The following LYPLAL1 variants were observed in gnomAD, a reference collection of about 807,000 sequenced individuals.
The protein encoded by LYPLAL1 is lysophospholipase-like protein 1.
LYPLAL1 carries 23 observed loss-of-function variants against 19.7 expected under a neutral mutation model. The observed-to-expected ratio is 1.17, with a 90% CI of 0.84 to 1.65. The LOEUF is 1.65. Ranked by LOEUF, LYPLAL1 falls within the 40% of genes most tolerant of loss-of-function variation. The pLI is 0.00. For missense variants in LYPLAL1, 355 were observed against 279.4 expected (o/e 1.27, Z -1.93); for synonymous variants, 119 against 96.3 (o/e 1.24, Z -1.38).
rs1251024308 is a variant in LYPLAL1, at chr1:219,212,729, G to A, written c.*1001G>A. 1 of 151,914 alleles carries A rather than the reference G, an allele frequency of 6.6e-6. No individual in the cohort carries two copies. Among genetic ancestry groups the A allele is most frequent in the Non-Finnish European group, 1.5e-5 (1 of 67,904 alleles). The allele number at this position is 151,914 out of a possible 1,614,324, so 9.4% of individuals were successfully genotyped here. ...TTTTTCCATGTTGTGTACATCAATA[G>A]TTCATCTATTTTATTGCTCAGTAAT... On this transcript the variant is annotated 3_prime_UTR_variant, in exon 5 of 5. Transcript: ENST00000366928.
the LYPLAL1 span, among the ~76,000 whole-genome samples, chr1:219,248,178 G>A: frequency 6.6e-6 from 1 of 152,132 alleles, no homozygotes; most frequent in Non-Finnish European, 1.5e-5. Context: ...CAAGTGAAAA[G>A]CATCTGTTTG....
At chr1:219,234,738 G>T in the LYPLAL1 span, among the ~76,000 whole-genome samples, 4 of 151,846 alleles carry the variant, frequency 2.6e-5, no homozygotes, top group Non-Finnish European at 5.9e-5. Flanking sequence ...TTTTATATAG[G>T]TCATTTATAT....
chr1:219,175,410 T>C (rs1383772645), intron 1 of LYPLAL1, among the ~76,000 whole-genome samples: 1 of 152,144 alleles, frequency 6.6e-6, no homozygotes, highest in Non-Finnish European at 1.5e-5. Flanking sequence ...AGAGTGTTCA[T>C]TTATAAGTAC....
the LYPLAL1 span, among the ~76,000 whole-genome samples, chr1:219,239,735 G>A: frequency 6.6e-6 from 1 of 152,186 alleles, no homozygotes; most frequent in African/African-American, 2.4e-5. Context: ...CAAGTATGCT[G>A]CTAGAATACA....
At chr1:219,190,571 T>A (rs1169238408) in intron 2 of LYPLAL1, among the ~76,000 whole-genome samples, 1 of 133,088 alleles carries the variant, frequency 7.5e-6, no homozygotes, top group African/African-American at 2.8e-5. Flanking sequence ...CCCAGAAATT[T>A]AAATTTTTTT....
chr1:219,268,829 G>C, the LYPLAL1 span, among the ~76,000 whole-genome samples: 1 of 152,142 alleles, frequency 6.6e-6, no homozygotes, highest in East Asian at 1.9e-4. Flanking sequence ...CAACCTCACA[G>C]TCTACCCTGT....
the LYPLAL1 span, among the ~76,000 whole-genome samples, chr1:219,425,081 T>G: frequency 1.9e-3 from 294 of 152,228 alleles, no homozygotes; most frequent in Non-Finnish European, 2.7e-3. Context: ...GGCTGGGAAG[T>G]CCAAAACAAA....
chr1:219,247,136 A>T, the LYPLAL1 span, among the ~76,000 whole-genome samples: 2 of 152,190 alleles, frequency 1.3e-5, no homozygotes, highest in African/African-American at 4.8e-5. Context: ...TAAGCAAAAG[A>T]TTATTCTTTG....
chr1:219,407,184 C>T, the LYPLAL1 span, among the ~76,000 whole-genome samples: 1 of 152,138 alleles, frequency 6.6e-6, no homozygotes, highest in African/African-American at 2.4e-5. Flanking sequence ...CTGTGTTACC[C>T]AGTATCTCTG....
chr1:219,267,944 A>G, the LYPLAL1 span, among the ~76,000 whole-genome samples: 3 of 152,214 alleles, frequency 2.0e-5, no homozygotes, highest in South Asian at 2.1e-4. Context: ...TGATTTTGAT[A>G]TGTAGCTTGG....
At chr1:219,363,741 C>G in the LYPLAL1 span, among the ~76,000 whole-genome samples, 1 of 152,196 alleles carries the variant, frequency 6.6e-6, no homozygotes, top group Admixed American at 6.5e-5. Context: ...CACTGACCTG[C>G]TGAGGCAGAC....
At chr1:219,197,818 T>C (rs1173685407) in intron 3 of LYPLAL1, among the ~76,000 whole-genome samples, 1 of 152,140 alleles carries the variant, frequency 6.6e-6, no homozygotes, top group Non-Finnish European at 1.5e-5. Context: ...GCAAAGTACA[T>C]GAACAGATGC....
chr1:219,376,141 T>C, the LYPLAL1 span, among the ~76,000 whole-genome samples: 35 of 152,296 alleles, frequency 2.3e-4, no homozygotes, highest in African/African-American at 8.2e-4. Flanking sequence ...CACGTAAAGA[T>C]GGACATATAG....
chr1:219,418,792 C>T, the LYPLAL1 span, among the ~76,000 whole-genome samples: 1 of 152,216 alleles, frequency 6.6e-6, no homozygotes, highest in Non-Finnish European at 1.5e-5. Context: ...ATGTGCTCTG[C>T]CTGTTCATTC....
chr1:219,244,016 G>A, the LYPLAL1 span, among the ~76,000 whole-genome samples: 1 of 151,546 alleles, frequency 6.6e-6, no homozygotes, highest in Non-Finnish European at 1.5e-5. Flanking sequence ...TCACAGAAAT[G>A]TACAAGAGGA....
At chr1:219,177,410 T>C (rs1364500625) in intron 1 of LYPLAL1, among the ~76,000 whole-genome samples, 1 of 152,196 alleles carries the variant, frequency 6.6e-6, no homozygotes, top group Admixed American at 6.5e-5. Flanking sequence ...TAGCTTATCC[T>C]CCTTAAGGAC....
chr1:219,210,347 T>C (rs978464604), intron 3 of LYPLAL1, 185 bp from the exon 4 acceptor site: 4 of 383,644 alleles, frequency 1.0e-5, no homozygotes, highest in African/African-American at 6.2e-5. Flanking sequence ...AGTGGTGACA[T>C]AGAGGGAACA....
At chr1:219,242,370 G>A in the LYPLAL1 span, among the ~76,000 whole-genome samples, 3 of 152,288 alleles carry the variant, frequency 2.0e-5, no homozygotes, top group Middle Eastern at 0.01. Flanking sequence ...AACAGTCCAA[G>A]GAGACCAGGA....
chr1:219,252,367 A>C, the LYPLAL1 span, among the ~76,000 whole-genome samples: 1 of 152,208 alleles, frequency 6.6e-6, no homozygotes, highest in Non-Finnish European at 1.5e-5. Context: ...CCAGTTTTCA[A>C]GGTGAAGACT....
Sources: allele counts gnomAD v4.1 joint callset (sites outside exome capture counted in the v4.1 genomes callset), GRCh38; gene constraint gnomAD v4.1.1; transcripts MANE v1.5; gene names NCBI Gene and HGNC (gene_info 2026-07-23, HGNC 2026-07-21).